The following ARHGEF28 variants were observed in gnomAD, a reference collection of about 807,000 sequenced individuals.
The protein encoded by ARHGEF28 is 190 kDa guanine nucleotide exchange factor.
ARHGEF28 carries 152 observed loss-of-function variants against 206.6 expected under a neutral mutation model. The observed-to-expected ratio is 0.74, with a 90% CI of 0.64 to 0.84. ARHGEF28 has a LOEUF of 0.84. Among genes scored for constraint, ARHGEF28 ranks in the 40% least tolerant of loss-of-function variants. ARHGEF28 has a pLI of 0.00. For missense variants in ARHGEF28, 2,028 were observed against 2,073.2 expected, an observed-to-expected ratio of 0.98 and a Z score of 0.42; for synonymous variants, 763 against 776.4, an observed-to-expected ratio of 0.98 and a Z score of 0.29.
intron 11 of ARHGEF28, among the ~76,000 whole-genome samples, chr5:73,841,789 T>G (rs2112577974): frequency 6.6e-6 from 1 of 151,850 alleles, no homozygotes; most frequent in Non-Finnish European, 1.5e-5. Flanking sequence ...AAATAGTTGT[T>G]ACATCTAGGG....
At position 73,637,690 on chromosome 5, in the gene ARHGEF28, G is replaced by A. The variant is rs75555369; in HGVS notation, c.-12+11368G>A. Among the ~76,000 whole-genome samples, 553 of 152,312 alleles carry A rather than the reference G, an allele frequency of 3.6e-3. 1 individual carries two copies. Among genetic ancestry groups the A allele is most frequent in the Non-Finnish European group, 6.0e-3 (405 of 68,038 alleles). ...ATTTGATTTTTTGAGCCTTTATTGAGTTGGGTTTAGCTAGTAATTGCTGTA... is the reference window on the plus strand; with the variant it reads ...ATTTGATTTTTTGAGCCTTTATTGAATTGGGTTTAGCTAGTAATTGCTGTA... On this transcript the variant is annotated intron_variant, in intron 1 of 35. Transcript: ENST00000513042.
At chr5:73,663,836 T>C (rs1437632987) in intron 1 of ARHGEF28, among the ~76,000 whole-genome samples, 1 of 152,244 alleles carries the variant, frequency 6.6e-6, no homozygotes, top group Non-Finnish European at 1.5e-5. Context: ...CTTTCACAAG[T>C]CTGTTTTGTA....
chr5:73,879,227 G>A (rs1002753760), intron 22 of ARHGEF28, among the ~76,000 whole-genome samples: 33 of 152,108 alleles, frequency 2.2e-4, no homozygotes, highest in African/African-American at 7.0e-4. Flanking sequence ...CGGCTCCTGA[G>A]GCTTCTGCAT....
chr5:73,941,633 T>A lies in ARHGEF28; in HGVS notation c.*620T>A, dbSNP rs2112075123. On this transcript the variant is annotated 3_prime_UTR_variant, in exon 36 of 36. Transcript: ENST00000513042. The stretch of plus-strand genomic sequence containing the variant: ...CTAATGCTGGTGGGGTTTCAAGACA[T>A]GGTTCAGCATCATCTTTTAACAAGG... 1 of 152,358 alleles carries A rather than the reference T, an allele frequency of 6.6e-6. No homozygotes were observed. Among genetic ancestry groups the A allele is most frequent in the East Asian group, 1.9e-4 (1 of 5,184 alleles). The allele number at this position is 152,358 out of a possible 1,614,324, so 9.4% of individuals were successfully genotyped here.
intron 26 of ARHGEF28, among the ~76,000 whole-genome samples, chr5:73,888,109 C>A (rs1485672240): frequency 6.6e-6 from 1 of 152,204 alleles, no homozygotes; most frequent in Non-Finnish European, 1.5e-5. Context: ...CACAGCCAAT[C>A]TCTTCCAGCA....
At chr5:73,629,700 A>G (rs753020215) in intron 1 of ARHGEF28, among the ~76,000 whole-genome samples, 1 of 152,186 alleles carries the variant, frequency 6.6e-6, no homozygotes, top group Non-Finnish European at 1.5e-5. Context: ...AGATAATGAG[A>G]TCTGACATCA....
Position 73,934,206 on chromosome 5 carries a change from C to T in ARHGEF28, c.4949-6638C>T, listed in dbSNP as rs143321439. 3.9e-5 allele frequency among the ~76,000 whole-genome samples: 6 copies of T among 152,254 alleles called. No homozygotes were observed. In the East Asian group the frequency reaches 5.8e-4, roughly 15 times the overall value. On this transcript the variant is annotated intron_variant, in intron 35 of 35. Transcript: ENST00000513042. The stretch of plus-strand genomic sequence containing the variant: ...TGGATTTTCCTGATTGCATTCCCAT[C>T]GCGTCATTTGAAATATTCTTCTGCC...
chr5:73,790,578 C>A (rs547203887), intron 7 of ARHGEF28, among the ~76,000 whole-genome samples: 2 of 151,590 alleles, frequency 1.3e-5, no homozygotes, highest in Admixed American at 6.6e-5. Context: ...ACTGATAAGT[C>A]TCATTTTGAT....
At chr5:73,694,980 A>T (rs1381135582) in intron 2 of ARHGEF28, among the ~76,000 whole-genome samples, 1 of 152,272 alleles carries the variant, frequency 6.6e-6, no homozygotes, top group Non-Finnish European at 1.5e-5. Context: ...AGGACAATAC[A>T]AGGCTATGAC....
chr5:73,901,939 G>A (rs1290264559), intron 31 of ARHGEF28: 1 of 152,074 alleles, frequency 6.6e-6, no homozygotes, highest in African/African-American at 2.4e-5. Flanking sequence ...TCAGAAATAG[G>A]GAAGGAATAA....
At chr5:73,794,548 A>AG in intron 8 of ARHGEF28, 94 bp downstream of exon 8, 1 of 991,218 alleles carries the variant, frequency 1.0e-6, no homozygotes, top group South Asian at 1.6e-5. Context: ...AAAACACTAA[A>AG]AAAAGGATGT....
At chr5:73,728,058 T>C (rs1750386089) in intron 2 of ARHGEF28, among the ~76,000 whole-genome samples, 1 of 152,212 alleles carries the variant, frequency 6.6e-6, no homozygotes, top group Non-Finnish European at 1.5e-5. Context: ...AGCATTTTCA[T>C]TGTTAGTTGG....
chr5:73,631,289 C>T (rs886299483), intron 1 of ARHGEF28, among the ~76,000 whole-genome samples: 1 of 152,076 alleles, frequency 6.6e-6, no homozygotes, highest in Non-Finnish European at 1.5e-5. Context: ...TTGTCTTTTC[C>T]CACTAAGACC....
chr5:73,809,237 G>A (rs1469717564), intron 9 of ARHGEF28, among the ~76,000 whole-genome samples: 1 of 150,748 alleles, frequency 6.6e-6, no homozygotes, highest in South Asian at 2.1e-4. Context: ...AACTGTTTCA[G>A]TGTCTATAAC....
At chr5:73,689,924 A>T (rs1190218080) in intron 2 of ARHGEF28, among the ~76,000 whole-genome samples, 3 of 152,192 alleles carry the variant, frequency 2.0e-5, no homozygotes, top group Admixed American at 6.5e-5. Context: ...AAAAGCCTGG[A>T]AAAGGGTAAG....
At chr5:73,871,080 C>A (rs1006915324) in intron 21 of ARHGEF28, among the ~76,000 whole-genome samples, 2 of 152,130 alleles carry the variant, frequency 1.3e-5, no homozygotes, top group Non-Finnish European at 2.9e-5. Flanking sequence ...AAGATGCTGT[C>A]CCTCTTAGTA....
chr5:73,634,543 C>G (rs1743577540), intron 1 of ARHGEF28, among the ~76,000 whole-genome samples: 1 of 152,184 alleles, frequency 6.6e-6, no homozygotes, highest in South Asian at 2.1e-4. Context: ...TGCCTTCTGT[C>G]TATAATTTGT....
intron 2 of ARHGEF28, among the ~76,000 whole-genome samples, chr5:73,723,181 A>G (rs1429410573): frequency 6.6e-6 from 1 of 152,140 alleles, no homozygotes; most frequent in African/African-American, 2.4e-5. Flanking sequence ...TTTCCATTTG[A>G]AGGAAAAGAA....
At chr5:73,938,160 C>CACA (rs577912637) in intron 35 of ARHGEF28, among the ~76,000 whole-genome samples, 3 of 139,548 alleles carry the variant, frequency 2.1e-5, no homozygotes, top group Non-Finnish European at 3.1e-5. Context: ...CTACACTACA[C>CACA]CACACACACA....
Sources: allele counts gnomAD v4.1 joint callset (sites outside exome capture counted in the v4.1 genomes callset), GRCh38; gene constraint gnomAD v4.1.1; transcripts MANE v1.5; gene names NCBI Gene and HGNC (gene_info 2026-07-23, HGNC 2026-07-21).